The following ZSCAN25 variants were observed in gnomAD, a reference collection of about 807,000 sequenced individuals.
The protein encoded by ZSCAN25 is zinc finger and SCAN domain-containing protein 25.
In ZSCAN25, 27 loss-of-function variants were observed where a neutral mutation model predicts 38.7. That is an observed-to-expected ratio of 0.70 (90% CI 0.51 to 0.96). The LOEUF is 0.96. ZSCAN25 is among the 40% of genes least tolerant of loss of function. The pLI, the probability that ZSCAN25 is intolerant of heterozygous loss-of-function variation, is 0.00. For missense variants in ZSCAN25, 637 were observed against 705.9 expected (o/e 0.90, Z 1.11); for synonymous variants, 273 against 277.7 (o/e 0.98, Z 0.17).
chr7:99,632,737 C>T (rs1808092001), downstream of ZSCAN25, among the ~76,000 whole-genome samples: 1 of 152,142 alleles, frequency 6.6e-6, no homozygotes, highest in Non-Finnish European at 1.5e-5. Context: ...TTGCAGTGAG[C>T]CCTGATTGTG....
chr7:99,713,058 G>A, the ZSCAN25 span, among the ~76,000 whole-genome samples: 1 of 152,214 alleles, frequency 6.6e-6, no homozygotes. Flanking sequence ...TTAGGTGTTA[G>A]ATGCATTAAG....
At chr7:99,636,113 T>G (rs1808274555), downstream of ZSCAN25, among the ~76,000 whole-genome samples, 1 of 152,066 alleles carries the variant, frequency 6.6e-6, no homozygotes, top group Non-Finnish European at 1.5e-5. Context: ...TTTAGGCATT[T>G]ATACCTTTGT....
At chr7:99,724,598 C>T in the ZSCAN25 span, among the ~76,000 whole-genome samples, 1 of 152,008 alleles carries the variant, frequency 6.6e-6, no homozygotes, top group African/African-American at 2.4e-5. Context: ...AGCCAGGTCC[C>T]AATTCTTCCT....
chr7:99,674,711 G>A, the ZSCAN25 span: 3 of 688,084 alleles, frequency 4.4e-6, no homozygotes, highest in East Asian at 8.4e-5. Flanking sequence ...GCAGTTGAAG[G>A]AAGCTATTCA....
chr7:99,731,203 T>C, the ZSCAN25 span: 6 of 1,605,764 alleles, frequency 3.7e-6, no homozygotes, highest in African/African-American at 4.0e-5. Context: ...TTTATAGATA[T>C]AGGGGCTGGT....
chr7:99,689,039 G>C, the ZSCAN25 span, among the ~76,000 whole-genome samples: 1 of 152,164 alleles, frequency 6.6e-6, no homozygotes, highest in Non-Finnish European at 1.5e-5. Context: ...GAAATTTATA[G>C]CACTAAATGC....
the ZSCAN25 span, chr7:99,709,206 T>C: frequency 1.2e-6 from 2 of 1,613,990 alleles, no homozygotes; most frequent in Non-Finnish European, 1.7e-6. Context: ...GAGTGTTTCA[T>C]TCACCACCAT....
chr7:99,708,105 G>A, the ZSCAN25 span: 1 of 1,271,704 alleles, frequency 7.9e-7, no homozygotes, highest in Non-Finnish European at 1.1e-6. Context: ...GCTAGTCACT[G>A]AAATCCTGCT....
the ZSCAN25 span, among the ~76,000 whole-genome samples, chr7:99,708,512 CT>C: frequency 6.6e-6 from 1 of 152,058 alleles, no homozygotes; most frequent in African/African-American, 2.4e-5. Flanking sequence ...TCCATCTCTC[CT>C]TCTTTCTCCC....
the ZSCAN25 span, among the ~76,000 whole-genome samples, chr7:99,722,907 A>G: frequency 6.6e-6 from 1 of 152,190 alleles, no homozygotes; most frequent in African/African-American, 2.4e-5. Flanking sequence ...TGAGTGACAG[A>G]ATGACAAAGT....
At chr7:99,692,825 G>C in the ZSCAN25 span, among the ~76,000 whole-genome samples, 1 of 152,110 alleles carries the variant, frequency 6.6e-6, no homozygotes, top group African/African-American at 2.4e-5. Context: ...TAGCTATCTT[G>C]TGATGGGTTA....
rs139132964 is a variant in ZSCAN25 at position 99,629,023 on chromosome 7, A to G, written c.806-168A>G. 1.3e-5 allele frequency among the ~76,000 whole-genome samples: 2 copies of G among 152,200 alleles called. No homozygotes were observed. The highest frequency in any genetic ancestry group is 4.8e-5 in the African/African-American group (2 of 41,446). ...TTGGCAGACTATTCTGTAAAAAGAC[A>G]TGGAGGTGGAAATAAGGAAAAAGAA... On this transcript the variant is annotated intron_variant, in intron 7 of 7. Transcript: ENST00000394152. The surrounding 1 kb of genome is among the most constrained non-coding windows in gnomAD (Gnocchi z 5.6).
the ZSCAN25 span, chr7:99,731,098 T>C: frequency 7.4e-6 from 12 of 1,613,548 alleles, no homozygotes; most frequent in African/African-American, 1.5e-4. Flanking sequence ...AAGGCAGAGG[T>C]GTGGGCCCTG....
At chr7:99,650,251 A>G in the ZSCAN25 span, 6 of 1,607,766 alleles carry the variant, frequency 3.7e-6, no homozygotes, top group African/African-American at 6.7e-5. Context: ...ATATTGGTAG[A>G]TTAAATAGTT....
the ZSCAN25 span, chr7:99,700,037 C>T: frequency 6.2e-7 from 1 of 1,605,288 alleles, no homozygotes; most frequent in Non-Finnish European, 8.5e-7. Context: ...AGGTCCATCG[C>T]CACTTGCCTT....
At position 99,620,183 on chromosome 7, in the gene ZSCAN25, C is replaced by A. The variant is rs79752659; in HGVS notation, c.387+190C>A. On this transcript the variant is annotated intron_variant, in intron 4 of 7. Transcript: ENST00000394152. ...AGAAAGGCCATTCCCAGGGGAGATG[C>A]TGCCATGCAGAAGGGCCTGAAGCCT... 2,792 of 805,994 alleles carry A rather than the reference C, an allele frequency of 3.5e-3. 63 individuals are homozygous for A. The East Asian group carries it at 0.044, about 13-fold the overall frequency. The allele number at this position is 805,994 out of a possible 1,614,324, so 49.9% of individuals were successfully genotyped here.
the ZSCAN25 span, among the ~76,000 whole-genome samples, chr7:99,708,542 G>GTTT: frequency 7.0e-4 from 106 of 151,552 alleles, no homozygotes; most frequent in African/African-American, 2.5e-3. Flanking sequence ...CCATAGAATA[G>GTTT]TTTAAGTCAG....
At chr7:99,650,341 T>A in the ZSCAN25 span, 1 of 959,238 alleles carries the variant, frequency 1.0e-6, no homozygotes, top group Non-Finnish European at 1.6e-6. Context: ...CAACCAGTAG[T>A]ACACAGGATA....
At chr7:99,693,289 G>T in the ZSCAN25 span, among the ~76,000 whole-genome samples, 2 of 152,122 alleles carry the variant, frequency 1.3e-5, no homozygotes, top group African/African-American at 4.8e-5. Flanking sequence ...AGGGGCACCC[G>T]CATGTTTGAA....
Sources: gnomAD v4.1 joint callset for allele counts (sites outside exome capture counted in the v4.1 genomes callset) on GRCh38, gnomAD v4.1.1 for gene constraint, Gnocchi (gnomAD v3.1) non-coding constraint, MANE v1.5 for transcripts, NCBI Gene and HGNC (gene_info 2026-07-23, HGNC 2026-07-21) for gene names.